Variants in SUGCT observed in about 807,000 individuals in gnomAD.
SUGCT encodes the protein succinyl-CoA:glutarate-CoA transferase.
SUGCT carries 41 observed loss-of-function variants against 55.0 expected under a neutral mutation model. The ratio of observed to expected loss-of-function variants is 0.74; its 90% CI spans 0.58 to 0.97. The LOEUF (loss-of-function observed/expected upper bound fraction) is 0.97, where lower values mean the gene tolerates loss of function less well. SUGCT is among the 50% of genes least tolerant of loss of function. The probability of loss-of-function intolerance (pLI) is 0.00; values close to 1 mark genes in which losing one functional copy is unlikely to be tolerated. For synonymous variants in SUGCT, 187 were observed against 200.4 expected (o/e 0.93, Z 0.56); for missense variants, 568 against 547.8 (o/e 1.04, Z -0.37).
At chr7:40,217,953 C>T (rs903694835) in intron 6 of SUGCT, among the ~76,000 whole-genome samples, 2 of 152,264 alleles carry the variant, frequency 1.3e-5, no homozygotes, top group East Asian at 1.9e-4. Flanking sequence ...GTGGCTCACA[C>T]CTGTAATCCT....
intron 13 of SUGCT, among the ~76,000 whole-genome samples, chr7:40,860,083 C>T (rs1186901977): frequency 6.6e-6 from 1 of 152,220 alleles, no homozygotes; most frequent in Non-Finnish European, 1.5e-5. Context: ...CATGCAGCCC[C>T]ACTGCATGGT....
chr7:40,807,620 G>A (rs1221669524), intron 13 of SUGCT, among the ~76,000 whole-genome samples: 2 of 152,202 alleles, frequency 1.3e-5, no homozygotes, highest in African/African-American at 4.8e-5. Context: ...CTAACTTGGG[G>A]ACAGTCTGAG....
At chr7:40,497,692 A>C (rs1012039446) in intron 12 of SUGCT, among the ~76,000 whole-genome samples, 1 of 152,098 alleles carries the variant, frequency 6.6e-6, no homozygotes, top group African/African-American at 2.4e-5. Flanking sequence ...CCATCATTTG[A>C]AGCTGTCGTG....
the SUGCT span, among the ~76,000 whole-genome samples, chr7:41,025,033 G>A: frequency 6.6e-6 from 1 of 152,252 alleles, no homozygotes; most frequent in Admixed American, 6.5e-5. Flanking sequence ...AAGTGTTGAA[G>A]GGATAAAGAG....
intron 6 of SUGCT, among the ~76,000 whole-genome samples, chr7:40,229,834 A>G (rs1186776187): frequency 6.6e-6 from 1 of 150,552 alleles, no homozygotes; most frequent in Non-Finnish European, 1.5e-5. Flanking sequence ...AAAAAAAAGC[A>G]TCAGGAGTTT....
the SUGCT span, among the ~76,000 whole-genome samples, chr7:40,983,628 A>G: frequency 6.6e-6 from 1 of 152,150 alleles, no homozygotes; most frequent in Admixed American, 6.5e-5. Context: ...GCAGCCTCTC[A>G]GTCTAGGTTT....
chr7:40,872,364 T>C, the SUGCT span, among the ~76,000 whole-genome samples: 38 of 152,220 alleles, frequency 2.5e-4, no homozygotes, highest in African/African-American at 8.2e-4. Flanking sequence ...GTGAAATTCT[T>C]ATTTTGGCTT....
chr7:40,519,745 AATCTT>A (rs1429483187), intron 12 of SUGCT, among the ~76,000 whole-genome samples: 1 of 152,070 alleles, frequency 6.6e-6, no homozygotes, highest in Non-Finnish European at 1.5e-5. Context: ...CAAACAAAGA[AATCTT>A]ATATTAAGTT....
At chr7:40,702,533 T>C (rs769419187) in intron 12 of SUGCT, among the ~76,000 whole-genome samples, 3 of 152,244 alleles carry the variant, frequency 2.0e-5, no homozygotes, top group Non-Finnish European at 4.4e-5. Flanking sequence ...CTTCGTGTGC[T>C]CAGCAATGAT....
In SUGCT at chr7:40,837,570, T is replaced by C. The variant is rs372657945; in HGVS notation, c.1154-22746T>C. On this transcript the variant is annotated intron_variant, in intron 13 of 13. Coordinates refer to ENST00000335693, the MANE Select transcript of SUGCT (RefSeq NM_001193313.2). ...TTTTACACTTTTAATTCTGTGACCA[T>C]TTTGAGTTATTTTATTATTATTATT... Among the ~76,000 whole-genome samples, 184 of 152,240 alleles carry C rather than the reference T, an allele frequency of 1.2e-3. 5 individuals carry two copies. The South Asian group carries it at 0.037, about 31-fold the overall frequency.
chr7:40,842,543 CTTGT>C (rs1010978588), intron 13 of SUGCT, among the ~76,000 whole-genome samples: 49 of 152,180 alleles, frequency 3.2e-4, no homozygotes, highest in South Asian at 1.0e-3. Context: ...CTTTTGCATT[CTTGT>C]TTATTTCTGA....
the SUGCT span, among the ~76,000 whole-genome samples, chr7:40,916,293 G>T: frequency 6.6e-6 from 1 of 152,106 alleles, no homozygotes; most frequent in African/African-American, 2.4e-5. Flanking sequence ...TACAGCTCTA[G>T]AAATGAAGTG....
chr7:40,636,417 T>C (rs370694996), intron 12 of SUGCT, among the ~76,000 whole-genome samples: 7 of 152,284 alleles, frequency 4.6e-5, no homozygotes, highest in South Asian at 4.1e-4. Context: ...TGTCTGAGCC[T>C]GCAATTTACC....
the SUGCT span, among the ~76,000 whole-genome samples, chr7:40,950,784 G>A: frequency 1.3e-5 from 2 of 152,162 alleles, no homozygotes; most frequent in African/African-American, 4.8e-5. Flanking sequence ...TGTTGAAACA[G>A]CCTTGCATCC....
At chr7:40,412,498 C>T (rs1388810765) in intron 9 of SUGCT, among the ~76,000 whole-genome samples, 1 of 152,196 alleles carries the variant, frequency 6.6e-6, no homozygotes, top group Non-Finnish European at 1.5e-5. Context: ...ACAACTACTA[C>T]AAGCTATAGC....
chr7:40,281,456 T>C (rs79441077), intron 8 of SUGCT, among the ~76,000 whole-genome samples: 1 of 152,352 alleles, frequency 6.6e-6, no homozygotes, highest in East Asian at 1.9e-4. Context: ...AAGTTGGGTA[T>C]GATACTAGCT....
the SUGCT span, among the ~76,000 whole-genome samples, chr7:40,945,477 T>C: frequency 5.0e-4 from 76 of 152,206 alleles, no homozygotes; most frequent in Middle Eastern, 3.4e-3. Flanking sequence ...TGTCTACAGA[T>C]GCACCCACAC....
intron 12 of SUGCT, among the ~76,000 whole-genome samples, chr7:40,675,846 A>G (rs1011798620): frequency 6.6e-6 from 1 of 152,202 alleles, no homozygotes; most frequent in African/African-American, 2.4e-5. Context: ...GACACAATTC[A>G]GAAGTATCAT....
intron 9 of SUGCT, 98 bp downstream of exon 9, chr7:40,316,953 C>CTTTTTTT (rs1554309222): frequency 1.0e-3 from 185 of 183,530 alleles, no homozygotes; most frequent in South Asian, 1.6e-3. Flanking sequence ...AATCCTTCAG[C>CTTTTTTT]TGTTTTTTTT....
Sources: gnomAD v4.1 joint callset for allele counts (sites outside exome capture counted in the v4.1 genomes callset) on GRCh38, gnomAD v4.1.1 for gene constraint, MANE v1.5 for transcripts, NCBI Gene and HGNC (gene_info 2026-07-23, HGNC 2026-07-21) for gene names.